The following XKRX variants were observed in gnomAD, a reference collection of about 807,000 sequenced individuals.
XKRX encodes XK related X-linked.
A neutral mutation model predicts 22.4 loss-of-function variants in XKRX; 11 were observed. That is an observed-to-expected ratio of 0.49 (90% confidence interval 0.31 to 0.81). The LOEUF is 0.81. Ranked by LOEUF, XKRX falls within the 40% of genes least tolerant of loss-of-function variation. The pLI, the probability that XKRX is intolerant of heterozygous loss-of-function variation, is 0.05. For synonymous variants in XKRX, 114 were observed against 132.2 expected, an observed-to-expected ratio of 0.86 and a Z score of 0.94; for missense variants, 320 against 336.5, an observed-to-expected ratio of 0.95 and a Z score of 0.38.
At chrX:100,901,771 G>A in the XKRX span, among the ~76,000 whole-genome samples, 9 of 111,236 alleles carry the variant, frequency 8.1e-5, no homozygotes, top group Non-Finnish European at 1.3e-4. Flanking sequence ...AGGCTGAGGC[G>A]AGTGGATCAC....
intron 1 of XKRX, among the ~76,000 whole-genome samples, chrX:100,925,678 G>A (rs1052212861): frequency 6.3e-5 from 7 of 110,778 alleles, no homozygotes; most frequent in Admixed American, 3.9e-4. Context: ...AGGGATGAAT[G>A]GTTTATTTGC....
Position 100,917,722 on chromosome X carries a change from G to GAAAGAAAGAAAGAAAGAAATAAAT in XKRX, c.605-2640_605-2639insATTTATTTCTTTCTTTCTTTCTTT, listed in dbSNP as rs772047288. ...AGAAAGAAAGAAAGAAAGAAAGAAA[G>GAAAGAAAGAAAGAAAGAAATAAAT]AAATCCTTGGTTCAGCTGTATGGGA... On this transcript the variant is annotated intron_variant, in intron 2 of 2. Transcript: ENST00000372956. Among the ~76,000 whole-genome samples the GAAAGAAAGAAAGAAAGAAATAAAT allele has an allele frequency of 1.3e-3, 96 of 74,955 alleles. 1 individual carries two copies. The highest frequency in any genetic ancestry group is 4.9e-3 in the East Asian group (10 of 2,045). 65.1% of individuals were successfully genotyped at this position (74,955 alleles called of 115,157 possible).
the XKRX span, among the ~76,000 whole-genome samples, chrX:100,891,763 A>AAAGAAGAAAGAAAGAAAGAAAGAAAG: frequency 3.4e-5 from 2 of 59,207 alleles, no homozygotes; most frequent in Non-Finnish European, 5.9e-5. Flanking sequence ...AAGAAAGAAG[A>AAAGAAGAAAGAAAGAAAGAAAGAAAG]AAAGAAAGAA....
At chrX:100,927,536 G>A (rs1261661202) in intron 1 of XKRX, among the ~76,000 whole-genome samples, 1 of 111,350 alleles carries the variant, frequency 9.0e-6, no homozygotes, top group Non-Finnish European at 1.9e-5. Context: ...GCTACTTGGA[G>A]GCTGAGGTGG....
chrX:100,957,245 T>C, the XKRX span: 1 of 980,045 alleles, frequency 1.0e-6, no homozygotes, highest in Admixed American at 2.2e-5. Context: ...TCCTGATCAT[T>C]GGTAGATTTG....
intron 2 of XKRX, among the ~76,000 whole-genome samples, chrX:100,915,411 GAT>G (rs2085429686): frequency 9.1e-6 from 1 of 110,452 alleles, no homozygotes; most frequent in Admixed American, 9.7e-5. Flanking sequence ...TGTTGGTGGG[GAT>G]GTAAGAAAAA....
the XKRX span, among the ~76,000 whole-genome samples, chrX:100,955,828 A>G: frequency 8.9e-6 from 1 of 112,254 alleles, no homozygotes; most frequent in Non-Finnish European, 1.9e-5. Flanking sequence ...TATCCATACA[A>G]TGGAATACTG....
downstream of XKRX, among the ~76,000 whole-genome samples, chrX:100,909,906 A>C (rs1481009260): frequency 3.5e-5 from 2 of 56,839 alleles, no homozygotes; most frequent in Non-Finnish European, 5.9e-5. Flanking sequence ...CCATCTCAAA[A>C]AAAAAAAAAA....
the XKRX span, among the ~76,000 whole-genome samples, chrX:100,944,835 G>A: frequency 1.6e-4 from 18 of 111,678 alleles, no homozygotes; most frequent in Admixed American, 4.8e-4. Context: ...AGTTCATGCT[G>A]TTTCCTGGCA....
downstream of XKRX, among the ~76,000 whole-genome samples, chrX:100,909,858 G>A (rs778420191): frequency 1.2e-5 from 1 of 86,323 alleles, no homozygotes; most frequent in East Asian, 4.5e-4. Flanking sequence ...AGCCGAAATC[G>A]CACCACTGCA....
rs1383589229 is a variant in XKRX, at chrX:100,914,866, C to T, written c.822G>A (p.Val274=). The T allele has an allele frequency of 8.3e-7, 1 of 1,211,725 alleles. No individual in the cohort carries two copies. The highest frequency in any genetic ancestry group is 1.7e-5 in the African/African-American group (1 of 57,748). Residue 274 remains valine (V), a synonymous_variant, in exon 3 of 3, where the codon GTG becomes GTA. Transcript: ENST00000372956. ...CAAAGAGGATGATCAGGAAGTTGAG[C>T]ACTAGGAAGGGCACAGCCTTCAATT... ...TLKLKAVPFL[V]LNFLIILFEP...
At chrX:100,935,221 T>C in the XKRX span, among the ~76,000 whole-genome samples, 2 of 110,674 alleles carry the variant, frequency 1.8e-5, no homozygotes, top group African/African-American at 3.3e-5. Flanking sequence ...TTTGTGGGGG[T>C]TGCTGTCCAG....
the XKRX span, among the ~76,000 whole-genome samples, chrX:100,901,032 T>C: frequency 0.019 from 2,058 of 110,724 alleles, 48 homozygotes; most frequent in African/African-American, 0.064. Flanking sequence ...CCTCGTGATC[T>C]GCCCGCCTTG....
At chrX:100,931,873 A>T (rs994057371), upstream of XKRX, among the ~76,000 whole-genome samples, 1 of 111,716 alleles carries the variant, frequency 9.0e-6, no homozygotes, top group African/African-American at 3.3e-5. Context: ...TTCAGCCATC[A>T]GCTCACAGAG....
Position 100,925,838 on chromosome X carries a change from A to G in XKRX, c.335+2132T>C, listed in dbSNP as rs189650977. Among the ~76,000 whole-genome samples the G allele has an allele frequency of 4.5e-5, 5 of 112,068 alleles. No individual in the cohort carries two copies. The East Asian group carries it at 1.4e-3, about 31-fold the overall frequency. On this transcript the variant is annotated intron_variant, in intron 1 of 2. Coordinates refer to ENST00000372956, the MANE Select transcript of XKRX (RefSeq NM_212559.3). ...AGGCCAGCTGAGTTATATCTGACCA[A>G]CAGATATGGTTTGGTCCATCCTGTG... is the stretch of plus-strand genomic sequence containing the variant.
chrX:100,906,250 ACAT>A, the XKRX span, among the ~76,000 whole-genome samples: 4 of 111,734 alleles, frequency 3.6e-5, no homozygotes, highest in African/African-American at 1.3e-4. Context: ...ATACATTGAC[ACAT>A]CATAATCACC....
chrX:100,921,565 C>A (rs2085472150), intron 2 of XKRX, among the ~76,000 whole-genome samples: 1 of 111,300 alleles, frequency 9.0e-6, no homozygotes, highest in Non-Finnish European at 1.9e-5. Context: ...ATGGTCCAAA[C>A]CTGTACCCAC....
At chrX:100,930,104 C>A (rs929873414), upstream of XKRX, among the ~76,000 whole-genome samples, 1 of 108,747 alleles carries the variant, frequency 9.2e-6, no homozygotes, top group Non-Finnish European at 1.9e-5. Context: ...GCCTGGCCAA[C>A]GTGGTGAAAC....
the XKRX span, chrX:100,888,530 A>T: frequency 6.3e-6 from 4 of 636,281 alleles, no homozygotes; most frequent in African/African-American, 8.6e-5. Flanking sequence ...TTCAAACCTC[A>T]ACTCTCCAAT....
Sources: gnomAD v4.1 joint callset for allele counts (sites outside exome capture counted in the v4.1 genomes callset) on GRCh38, gnomAD v4.1.1 for gene constraint, MANE v1.5 for transcripts, NCBI Gene and HGNC (gene_info 2026-07-23, HGNC 2026-07-21) for gene names.